CYS1: variants seen among roughly 807,000 people sequenced by gnomAD.
CYS1 encodes the protein cystin 1.
In CYS1, 5 loss-of-function variants were observed where a neutral mutation model predicts 9.6. The ratio of observed to expected loss-of-function variants is 0.52; its 90% CI spans 0.27 to 1.10. CYS1 has a LOEUF of 1.10. CYS1 is among the 50% of genes least tolerant of loss of function. The pLI, the probability that CYS1 is intolerant of heterozygous loss-of-function variation, is 0.11. For missense variants in CYS1, 221 were observed against 207.9 expected (o/e 1.06, Z -0.39); for synonymous variants, 88 against 95.7 (o/e 0.92, Z 0.47).
At position 10,079,969 on chromosome 2, in the gene CYS1, G is replaced by A. The variant is rs1249540920; in HGVS notation, c.255C>T (p.Gly85=). The A allele has an allele frequency of 9.0e-6, 10 of 1,107,262 alleles. No individual in the cohort carries two copies. The highest frequency in any genetic ancestry group is 9.9e-6 in the Non-Finnish European group (9 of 908,588). The allele number at this position is 1,107,262 out of a possible 1,614,324, so 68.6% of individuals were successfully genotyped here. ...GGCGGCGCGGGGCGGGCTCCGGGGG[G>A]CCCCAGGCCGCCGACTCGGCCAGCA... is the stretch of plus-strand genomic sequence containing the variant. ...DELLAESAAW[G]PPEPAPRRPA... Residue 85 remains glycine (G), a synonymous_variant, in exon 1 of 3, where the codon GGC becomes GGT. Coordinates refer to ENST00000381813, the MANE Select transcript of CYS1 (RefSeq NM_001037160.3).
At chr2:10,079,264 G>C (rs1407086876) in intron 1 of CYS1, among the ~76,000 whole-genome samples, 1 of 152,016 alleles carries the variant, frequency 6.6e-6, no homozygotes, top group East Asian at 1.9e-4. Context: ...AAGCCTCCCG[G>C]GCCTCAGGGA....
At chr2:10,061,679 C>T (rs1359401404) in intron 2 of CYS1, among the ~76,000 whole-genome samples, 3 of 152,304 alleles carry the variant, frequency 2.0e-5, no homozygotes, top group South Asian at 4.1e-4. Flanking sequence ...GGGAAGCTGA[C>T]GGGCAGCCCT....
At chr2:10,066,538 T>C (rs1315521327) in intron 1 of CYS1, among the ~76,000 whole-genome samples, 2 of 152,256 alleles carry the variant, frequency 1.3e-5, no homozygotes, top group Non-Finnish European at 2.9e-5. Context: ...CCGTGGATTC[T>C]ATGGTCCGAC....
rs1402728625 is a variant in CYS1 at position 10,063,693 on chromosome 2, G to A, written c.371+2211C>T. Among the ~76,000 whole-genome samples the A allele has an allele frequency of 6.6e-6, 1 of 152,156 alleles. No homozygotes were observed. Among genetic ancestry groups the A allele is most frequent in the Non-Finnish European group, 1.5e-5 (1 of 68,022 alleles). On this transcript the variant is annotated intron_variant, in intron 2 of 2. Transcript: ENST00000381813. The surrounding 1 kb of genome is among the most constrained non-coding windows in gnomAD (Gnocchi z 4.2). ...AGGCACTGGTACCCAAGAGCTGCAC[G>A]CTGGGGGGCTGAGACTGGCCTGCAG...
chr2:10,065,924 C>T lies in CYS1; in HGVS notation c.351G>A (p.Pro117=), dbSNP rs115484371. Reference sequence around the variant, plus strand: ...CTTACTCAGAGACATTGCCGCTCCCCGGGTGGCCCTCTGTGCTCTGCTCTG... The same window carrying T: ...CTTACTCAGAGACATTGCCGCTCCCTGGGTGGCCCTCTGTGCTCTGCTCTG... ...VCAEQSTEGH[P]GSGNVSEAPG... The change falls in exon 2 of 3, where the codon CCG becomes CCA. Residue 117 remains proline (P), a synonymous_variant. Transcript: ENST00000381813. 2.2e-5 allele frequency: 35 copies of T among 1,614,184 alleles called. No homozygotes were observed. The African/African-American group carries it at 2.7e-4, about 12-fold the overall frequency.
chr2:10,065,659 G>A (rs1458405921), intron 2 of CYS1, among the ~76,000 whole-genome samples: 1 of 152,258 alleles, frequency 6.6e-6, no homozygotes, highest in Non-Finnish European at 1.5e-5. Flanking sequence ...GGCATGCCCT[G>A]GTCTGATCCA....
rs553730284 is a variant in CYS1 at position 10,062,470 on chromosome 2, G to A, written c.371+3434C>T. ...GTGCAGTGGCGCACTCTGCGATCTC[G>A]GCTCATTGCAACCTCCCCATCATGG... On this transcript the variant is annotated intron_variant, in intron 2 of 2. Coordinates refer to ENST00000381813, the MANE Select transcript of CYS1 (RefSeq NM_001037160.3). Among the ~76,000 whole-genome samples, 118 of 151,732 alleles carry A rather than the reference G, an allele frequency of 7.8e-4. 1 individual carries two copies. The highest frequency in any genetic ancestry group is 3.3e-3 in the South Asian group (16 of 4,802).
chr2:10,076,056 G>T lies in CYS1; in HGVS notation c.318+3850C>A, dbSNP rs1380474680. 6.6e-6 allele frequency among the ~76,000 whole-genome samples: 1 copy of T among 152,106 alleles called. No homozygotes were observed. The highest frequency in any genetic ancestry group is 6.5e-5 in the Admixed American group (1 of 15,274). ...ACAAAAAAATTAGCCAGGCGTGGTG[G>T]CATGCTCCTATAGTCCCAGCTACTC... On this transcript the variant is annotated intron_variant, in intron 1 of 2. Coordinates refer to ENST00000381813, the MANE Select transcript of CYS1 (RefSeq NM_001037160.3). The surrounding 1 kb of genome is among the most constrained non-coding windows in gnomAD (Gnocchi z 4.3).
chr2:10,072,919 G>A (rs184328611), intron 1 of CYS1, among the ~76,000 whole-genome samples: 4 of 150,590 alleles, frequency 2.7e-5, no homozygotes, highest in East Asian at 2.0e-4. Context: ...TGGGCTCTGC[G>A]TAGGGGGGGA....
At chr2:10,066,381 C>A (rs942219885) in intron 1 of CYS1, among the ~76,000 whole-genome samples, 3 of 152,212 alleles carry the variant, frequency 2.0e-5, no homozygotes, top group Admixed American at 2.0e-4. Context: ...GGACCCACTG[C>A]CACCTAGCAC....
At chr2:10,059,199 T>G (rs1185926987) in intron 2 of CYS1, among the ~76,000 whole-genome samples, 2 of 152,228 alleles carry the variant, frequency 1.3e-5, no homozygotes, top group Non-Finnish European at 2.9e-5. Flanking sequence ...CTGCCCTGGT[T>G]GAGGGAGGAC....
At chr2:10,073,213 C>CCG (rs1661796991) in intron 1 of CYS1, among the ~76,000 whole-genome samples, 2 of 3,156 alleles carry the variant, frequency 6.3e-4, no homozygotes, top group Admixed American at 2.1e-3. Flanking sequence ...GGAACCGCCC[C>CCG]CCCCCCCCCC....
At chr2:10,075,849 A>C (rs1661835597) in intron 1 of CYS1, among the ~76,000 whole-genome samples, 1 of 152,234 alleles carries the variant, frequency 6.6e-6, no homozygotes, top group South Asian at 2.1e-4. Context: ...CCAGGTTTAT[A>C]GGCAGAGGGA....
chr2:10,066,149 G>C (rs573134342), intron 1 of CYS1, among the ~76,000 whole-genome samples, 193 bp from the exon 2 acceptor site: 4 of 152,302 alleles, frequency 2.6e-5, no homozygotes, highest in Admixed American at 2.6e-4. Flanking sequence ...GCTGCAAAAA[G>C]AAAGCGACTT....
chr2:10,071,262 C>A (rs1374364984), intron 1 of CYS1, among the ~76,000 whole-genome samples: 1 of 152,218 alleles, frequency 6.6e-6, no homozygotes, highest in African/African-American at 2.4e-5. Flanking sequence ...CCACCGTGCC[C>A]GGCTCTGAGA....
intron 2 of CYS1, among the ~76,000 whole-genome samples, chr2:10,060,378 C>T (rs1661610249): frequency 6.6e-6 from 1 of 152,238 alleles, no homozygotes; most frequent in Admixed American, 6.5e-5. Flanking sequence ...CAGAGCACAG[C>T]CTCCGGGTCC....
At chr2:10,068,849 G>T (rs1218451680) in intron 1 of CYS1, among the ~76,000 whole-genome samples, 1 of 152,158 alleles carries the variant, frequency 6.6e-6, no homozygotes, top group Non-Finnish European at 1.5e-5. Context: ...ATCGCCTGAG[G>T]TCAGGAGTTC....
At position 10,058,804 on chromosome 2, in the gene CYS1, C is replaced by T. The variant is rs1162862205; in HGVS notation, c.*49G>A. ...GAGCTCTGTGCAAGCAGAGGGTGCC[C>T]CAGCCAGCAGGTGCCTCCGAGGCCT... is the stretch of plus-strand genomic sequence containing the variant. On this transcript the variant is annotated 3_prime_UTR_variant, in exon 3 of 3. Transcript: ENST00000381813. 10 of 1,480,462 alleles carry T rather than the reference C, an allele frequency of 6.8e-6. No homozygotes were observed. Among genetic ancestry groups the T allele is most frequent in the Admixed American group, 4.0e-5 (2 of 49,776 alleles). 91.7% of individuals were successfully genotyped at this position (1,480,462 alleles called of 1,614,324 possible). A position where few individuals can be genotyped will look rare whatever the true frequency, so the allele number is the denominator to read the frequency against.
At position 10,072,122 on chromosome 2, in the gene CYS1, C is replaced by T. The variant is rs937978609; in HGVS notation, c.319-6166G>A. Among the ~76,000 whole-genome samples, 16 of 151,252 alleles carry T rather than the reference C, an allele frequency of 1.1e-4. No homozygotes were observed. In the South Asian group the frequency reaches 1.7e-3, roughly 16 times the overall value. ...TTTTGAGACAGAGTTTCGCTCTTGT[C>T]GCCCAGGCTGGAGTGCAATGGTGGG... On this transcript the variant is annotated intron_variant, in intron 1 of 2. Coordinates refer to ENST00000381813, the MANE Select transcript of CYS1 (RefSeq NM_001037160.3).
Sources: allele counts gnomAD v4.1 joint callset (sites outside exome capture counted in the v4.1 genomes callset), GRCh38; gene constraint gnomAD v4.1.1; non-coding constraint Gnocchi (gnomAD v3.1); transcripts MANE v1.5; gene names NCBI Gene and HGNC (gene_info 2026-07-23, HGNC 2026-07-21).